The following MFHAS1 variants were observed in gnomAD, a reference collection of about 807,000 sequenced individuals.
MFHAS1 encodes the protein multifunctional ROCO family signaling regulator 1, also known as malignant fibrous histiocytoma-amplified sequence 1.
In MFHAS1, 50 loss-of-function variants were observed where a neutral mutation model predicts 70.4. The ratio of observed to expected loss-of-function variants is 0.71; its 90% CI spans 0.57 to 0.90. The LOEUF is 0.90. Among genes scored for constraint, MFHAS1 ranks in the 40% least tolerant of loss-of-function variants. The pLI, the probability that MFHAS1 is intolerant of heterozygous loss-of-function variation, is 0.00. For synonymous variants in MFHAS1, 952 were observed against 620.0 expected (o/e 1.54, Z -7.96); for missense variants, 1,795 against 1,347.6 (o/e 1.33, Z -5.20).
intron 1 of MFHAS1, among the ~76,000 whole-genome samples, chr8:8,874,331 TACACACACAC>T (rs35271686): frequency 0.1 from 15,100 of 144,736 alleles, 820 homozygotes; most frequent in Non-Finnish European, 0.13. Flanking sequence ...TATAACATTC[TACACACACAC>T]ACACACACAC....
chr8:8,786,272 G>A (rs1055264226), intron 2 of MFHAS1, among the ~76,000 whole-genome samples: 3 of 152,170 alleles, frequency 2.0e-5, no homozygotes, highest in Non-Finnish European at 2.9e-5. Flanking sequence ...CATTTCTGTT[G>A]GTGTGTTAAG....
chr8:8,789,454 G>T (rs1805656168), intron 2 of MFHAS1, among the ~76,000 whole-genome samples: 1 of 152,108 alleles, frequency 6.6e-6, no homozygotes, highest in Non-Finnish European at 1.5e-5. Context: ...CAGAGGTCTG[G>T]GGCTGAAGGG....
intron 1 of MFHAS1, among the ~76,000 whole-genome samples, chr8:8,825,774 G>C (rs1419612170): frequency 6.6e-6 from 1 of 152,154 alleles, no homozygotes; most frequent in Non-Finnish European, 1.5e-5. Flanking sequence ...ATGAATTTTA[G>C]AGGGAACACA....
At chr8:8,799,357 A>G (rs1428463314) in intron 1 of MFHAS1, among the ~76,000 whole-genome samples, 1 of 152,242 alleles carries the variant, frequency 6.6e-6, no homozygotes, top group Non-Finnish European at 1.5e-5. Context: ...ATGTATTTGG[A>G]CCACAGTTGA....
At chr8:8,813,965 G>C (rs959370821) in intron 1 of MFHAS1, among the ~76,000 whole-genome samples, 1 of 148,688 alleles carries the variant, frequency 6.7e-6, no homozygotes, top group East Asian at 2.0e-4. Context: ...TTGAGACAGA[G>C]TATTGCTCTG....
intron 1 of MFHAS1, among the ~76,000 whole-genome samples, chr8:8,869,976 C>T (rs767720581): frequency 3.9e-5 from 6 of 152,040 alleles, no homozygotes; most frequent in Non-Finnish European, 8.8e-5. Flanking sequence ...CATTGAAATC[C>T]ATCTTCCACA....
At chr8:8,835,513 C>G (rs568593462) in intron 1 of MFHAS1, among the ~76,000 whole-genome samples, 3 of 152,220 alleles carry the variant, frequency 2.0e-5, no homozygotes, top group South Asian at 2.1e-4. Context: ...ATTTTCCTCA[C>G]GATGAAGATG....
chr8:8,841,344 G>A (rs1228010383), intron 1 of MFHAS1, among the ~76,000 whole-genome samples: 5 of 151,834 alleles, frequency 3.3e-5, no homozygotes, highest in South Asian at 2.1e-4. Context: ...GCGTGGTGGC[G>A]CACGCCTGTA....
At chr8:8,879,971 G>A (rs920556452) in intron 1 of MFHAS1, among the ~76,000 whole-genome samples, 2 of 152,154 alleles carry the variant, frequency 1.3e-5, no homozygotes, top group Non-Finnish European at 2.9e-5. Flanking sequence ...TTAAAAAAAA[G>A]CTCTATGCAG....
In MFHAS1 at chr8:8,840,509, C is replaced by G. The variant is rs141225700; in HGVS notation, c.2999-43018G>C. On this transcript the variant is annotated intron_variant, in intron 1 of 2. Transcript: ENST00000276282. ...AATGGTTCATTACCATCTGGAACAT[C>G]TTGTTCAAATCTCAAGGACTTGGCA... Among the ~76,000 whole-genome samples, 113 of 150,806 alleles carry G rather than the reference C, an allele frequency of 7.5e-4. 1 individual carries two copies. The East Asian group carries it at 0.016, about 21-fold the overall frequency.
chr8:8,883,361 A>T (rs1437700040), intron 1 of MFHAS1, among the ~76,000 whole-genome samples: 1 of 152,066 alleles, frequency 6.6e-6, no homozygotes, highest in Non-Finnish European at 1.5e-5. Context: ...AAACAAAATC[A>T]GCAGGCATTC....
Position 8,892,144 on chromosome 8 carries a change from G to A in MFHAS1, c.915C>T (p.Arg305=). 6.2e-7 allele frequency: 1 copy of A among 1,611,728 alleles called. No homozygotes were observed. Among genetic ancestry groups the A allele is most frequent in the Non-Finnish European group, 8.5e-7 (1 of 1,180,018 alleles). Residue 305 remains arginine (R), a synonymous_variant, in exon 1 of 3, where the codon CGC becomes CGT. Transcript: ENST00000276282. This position sits in a 1 kb window ranked among gnomAD's most constrained non-coding sequence, Gnocchi z 4.7. ...GGGATGGCACCGAGGTGAGCTGGTT[G>A]CGACTAAGGTAGAGCTCCTCCAGAC... is the stretch of plus-strand genomic sequence containing the variant. ...LAGLEELYLS[R]NQLTSVPSLI...
chr8:8,788,044 T>C (rs530044796), intron 2 of MFHAS1, among the ~76,000 whole-genome samples: 2 of 152,316 alleles, frequency 1.3e-5, no homozygotes, highest in East Asian at 3.9e-4. Context: ...TCCTGGAACT[T>C]TTCCTGATTC....
chr8:8,848,118 C>T (rs1368339578), intron 1 of MFHAS1, among the ~76,000 whole-genome samples: 9 of 152,202 alleles, frequency 5.9e-5, no homozygotes, highest in Admixed American at 6.5e-5. Flanking sequence ...CCACCCAGCC[C>T]GCCCAGGGCT....
rs1317192495 is a variant in MFHAS1, at chr8:8,880,800, T to C, written c.2998+9261A>G. Among the ~76,000 whole-genome samples the C allele has an allele frequency of 3.9e-5, 6 of 152,016 alleles. No individual in the cohort carries two copies. The East Asian group carries it at 1.2e-3, about 29-fold the overall frequency. On this transcript the variant is annotated intron_variant, in intron 1 of 2. Transcript: ENST00000276282. Reference sequence around the variant, plus strand: ...CTTGGGTTCAAGTGATTCTCCTGCCTCAGCCTCCCAAGTAGCTGGGATTAC... The same window carrying C: ...CTTGGGTTCAAGTGATTCTCCTGCCCCAGCCTCCCAAGTAGCTGGGATTAC...
intron 1 of MFHAS1, among the ~76,000 whole-genome samples, chr8:8,877,057 TGA>T (rs1314707669): frequency 6.6e-6 from 1 of 152,072 alleles, no homozygotes; most frequent in African/African-American, 2.4e-5. Flanking sequence ...CCCAGCACTT[TGA>T]GAGGCCAAGG....
intron 1 of MFHAS1, among the ~76,000 whole-genome samples, chr8:8,831,950 G>A (rs927206819): frequency 7.2e-5 from 11 of 152,058 alleles, no homozygotes; most frequent in African/African-American, 2.7e-4. Flanking sequence ...CAATTTAAAG[G>A]AGAAAGAATA....
intron 2 of MFHAS1, among the ~76,000 whole-genome samples, chr8:8,790,920 G>A (rs1309660768): frequency 6.6e-6 from 1 of 152,134 alleles, no homozygotes; most frequent in Non-Finnish European, 1.5e-5. Flanking sequence ...CGGTACTTCT[G>A]AGAATACTTA....
At chr8:8,854,620 G>C (rs954565362) in intron 1 of MFHAS1, among the ~76,000 whole-genome samples, 2 of 150,990 alleles carry the variant, frequency 1.3e-5, no homozygotes, top group Non-Finnish European at 2.9e-5. Context: ...TGGAGGTGGA[G>C]GTTGCAGTGA....
Sources: gnomAD v4.1 joint callset for allele counts (sites outside exome capture counted in the v4.1 genomes callset) on GRCh38, gnomAD v4.1.1 for gene constraint, Gnocchi (gnomAD v3.1) non-coding constraint, MANE v1.5 for transcripts, NCBI Gene and HGNC (gene_info 2026-07-23, HGNC 2026-07-21) for gene names.